TSPAN9: variants seen among roughly 807,000 people sequenced by gnomAD.
TSPAN9 encodes tetraspanin 9.
In TSPAN9, 16 loss-of-function variants were observed where a neutral mutation model predicts 31.0. That is an observed-to-expected ratio of 0.52 (90% CI 0.35 to 0.78). TSPAN9 has a LOEUF of 0.78. TSPAN9 is among the 30% of genes least tolerant of loss of function. The pLI is 0.01. For missense variants in TSPAN9, 272 were observed against 312.5 expected, an observed-to-expected ratio of 0.87 and a Z score of 0.98; for synonymous variants, 145 against 121.6, an observed-to-expected ratio of 1.19 and a Z score of -1.27.
chr12:3,112,129 T>C (rs1409109317), intron 2 of TSPAN9, among the ~76,000 whole-genome samples: 1 of 151,756 alleles, frequency 6.6e-6, no homozygotes, highest in East Asian at 1.9e-4. Flanking sequence ...TTGCTATTAG[T>C]AGTCTCTAAT....
At chr12:3,079,982 A>G (rs1048591644) in intron 1 of TSPAN9, among the ~76,000 whole-genome samples, 1 of 143,488 alleles carries the variant, frequency 7.0e-6, no homozygotes, top group African/African-American at 2.6e-5. Flanking sequence ...GGGTTGTGCT[A>G]TGTTGCCCAG....
intron 2 of TSPAN9, among the ~76,000 whole-genome samples, chr12:3,148,849 C>A (rs2098338570): frequency 6.6e-6 from 1 of 152,220 alleles, no homozygotes; most frequent in East Asian, 1.9e-4. Flanking sequence ...GCTGTCCCAG[C>A]TCCATCAGTC....
chr12:3,103,100 C>T (rs906613918), intron 2 of TSPAN9, among the ~76,000 whole-genome samples: 2 of 152,156 alleles, frequency 1.3e-5, no homozygotes, highest in African/African-American at 2.4e-5. Context: ...TCCCAGTCAG[C>T]GTTGACCAAG....
chr12:3,278,126 C>G (rs922724881), intron 3 of TSPAN9, among the ~76,000 whole-genome samples: 1 of 152,210 alleles, frequency 6.6e-6, no homozygotes, highest in Admixed American at 6.5e-5. Flanking sequence ...GTATTTGTTA[C>G]GCACTTTTGC....
At position 3,281,337 on chromosome 12, in the gene TSPAN9, T is replaced by C; in HGVS notation, c.564+8T>C. Reference sequence around the variant, plus strand: ...ACGCCTTTGTGGAGAACGGTGAGGCTGGGGATGGACCGCTTGGGTCCAAGA... The same window carrying C: ...ACGCCTTTGTGGAGAACGGTGAGGCCGGGGATGGACCGCTTGGGTCCAAGA... On this transcript the variant is annotated splice_region_variant and intron_variant, in intron 7 of 8. Transcript: ENST00000011898. 3 of 1,547,904 alleles carry C rather than the reference T, an allele frequency of 1.9e-6. No homozygotes were observed. Among genetic ancestry groups the C allele is most frequent in the South Asian group, 1.2e-5 (1 of 83,834 alleles).
intron 3 of TSPAN9, among the ~76,000 whole-genome samples, chr12:3,225,239 G>A (rs1313469078): frequency 1.3e-5 from 2 of 152,050 alleles, no homozygotes; most frequent in African/African-American, 4.8e-5. Context: ...GCGCACAGAG[G>A]TGAATGATTT....
intron 3 of TSPAN9, among the ~76,000 whole-genome samples, chr12:3,220,326 C>T (rs546458944): frequency 2.0e-5 from 3 of 152,288 alleles, no homozygotes; most frequent in South Asian, 4.1e-4. Context: ...CACTATTTTG[C>T]CCTTTACTGT....
At chr12:3,163,383 G>C (rs571431986) in intron 2 of TSPAN9, among the ~76,000 whole-genome samples, 2 of 152,324 alleles carry the variant, frequency 1.3e-5, no homozygotes, top group South Asian at 2.1e-4. Context: ...CCCATGGTAA[G>C]ATATTTGTGT....
At chr12:3,171,625 G>A in intron 2 of TSPAN9, 1 of 152,134 alleles carries the variant, frequency 6.6e-6, no homozygotes, top group East Asian at 1.9e-4. Flanking sequence ...CACAGACCTA[G>A]TATGTAATAG....
At chr12:3,266,852 C>T (rs1207566906) in intron 3 of TSPAN9, among the ~76,000 whole-genome samples, 1 of 152,166 alleles carries the variant, frequency 6.6e-6, no homozygotes, top group East Asian at 1.9e-4. Flanking sequence ...AGATGCTCCA[C>T]ATGTGGGCCC....
At chr12:3,212,064 C>G (rs999687672) in intron 3 of TSPAN9, 3 of 578,264 alleles carry the variant, frequency 5.2e-6, no homozygotes, top group South Asian at 2.3e-5. Flanking sequence ...CTCTGCCTCC[C>G]AGGTTCAAGC....
intron 3 of TSPAN9, among the ~76,000 whole-genome samples, chr12:3,276,114 G>A (rs930413691): frequency 2.6e-5 from 4 of 152,136 alleles, no homozygotes; most frequent in Non-Finnish European, 5.9e-5. Flanking sequence ...GGATGCCCAC[G>A]GGAAGGTGAG....
In TSPAN9 at chr12:3,143,819, G is replaced by A. The variant is rs1370282477; in HGVS notation, c.-17-57358G>A. 4.6e-5 allele frequency among the ~76,000 whole-genome samples: 7 copies of A among 152,142 alleles called. No individual in the cohort carries two copies. The highest frequency in any genetic ancestry group is 3.3e-4 in the Admixed American group (5 of 15,278). On this transcript the variant is annotated intron_variant, in intron 2 of 8. Transcript: ENST00000011898. This position sits in a 1 kb window ranked among gnomAD's most constrained non-coding sequence, Gnocchi z 4.2. Reference sequence around the variant, plus strand: ...TTTCTGGCACAAGATGCTCCGGGTCGTGTTATGTTTCTCCTGCCCCAGGCC... The same window carrying A: ...TTTCTGGCACAAGATGCTCCGGGTCATGTTATGTTTCTCCTGCCCCAGGCC...
chr12:3,126,753 A>G (rs1423995124), intron 2 of TSPAN9, among the ~76,000 whole-genome samples: 1 of 151,154 alleles, frequency 6.6e-6, no homozygotes, highest in African/African-American at 2.4e-5. Context: ...TACAAAAACT[A>G]CCTGTAGCCC....
chr12:3,115,496 A>C (rs1487596902), intron 2 of TSPAN9, among the ~76,000 whole-genome samples: 3 of 152,228 alleles, frequency 2.0e-5, no homozygotes, highest in Non-Finnish European at 4.4e-5. Flanking sequence ...TATATCACAA[A>C]GTCCCACAGA....
rs908793361 is a variant in TSPAN9 at position 3,172,567 on chromosome 12, T to C, written c.-17-28610T>C. On this transcript the variant is annotated intron_variant, in intron 2 of 8. Coordinates refer to ENST00000011898, the MANE Select transcript of TSPAN9 (RefSeq NM_006675.5). The surrounding 1 kb of genome is among the most constrained non-coding windows in gnomAD (Gnocchi z 4.8). ...ATAACCGCGGGGGTCTGGTCTGGGG[T>C]GTTTTCACTGACGTTTGGTTGGCCC... 4.6e-5 allele frequency: 7 copies of C among 151,858 alleles called. No individual in the cohort carries two copies. The highest frequency in any genetic ancestry group is 1.7e-4 in the African/African-American group (7 of 41,314). The allele number at this position is 151,858 out of a possible 1,614,324, so 9.4% of individuals were successfully genotyped here.
intron 2 of TSPAN9, among the ~76,000 whole-genome samples, chr12:3,124,156 G>A (rs1017798690): frequency 2.6e-5 from 4 of 152,210 alleles, no homozygotes; most frequent in African/African-American, 9.6e-5. Flanking sequence ...GGATTTATCT[G>A]TCAGCATGAC....
intron 3 of TSPAN9, among the ~76,000 whole-genome samples, chr12:3,229,865 G>A (rs148196441): frequency 2.6e-5 from 4 of 152,290 alleles, no homozygotes; most frequent in African/African-American, 2.4e-5. Flanking sequence ...ACCAGCTTCC[G>A]TTGCATAGAC....
At chr12:3,259,830 A>G (rs1039853803) in intron 3 of TSPAN9, among the ~76,000 whole-genome samples, 2 of 152,198 alleles carry the variant, frequency 1.3e-5, no homozygotes, top group African/African-American at 4.8e-5. Context: ...CACTGGAGAA[A>G]TTTGAACAAG....
Sources: gnomAD v4.1 joint callset for allele counts (sites outside exome capture counted in the v4.1 genomes callset) on GRCh38, gnomAD v4.1.1 for gene constraint, Gnocchi (gnomAD v3.1) non-coding constraint, MANE v1.5 for transcripts, NCBI Gene and HGNC (gene_info 2026-07-23, HGNC 2026-07-21) for gene names.